CSPP1: variants seen among roughly 807,000 people sequenced by gnomAD.
The protein encoded by CSPP1 is centrosome and spindle pole-associated protein 1.
Under a neutral mutation model 164.4 loss-of-function variants are expected in CSPP1, and 126 were observed. The ratio of observed to expected loss-of-function variants is 0.77; its 90% confidence interval spans 0.66 to 0.89. The LOEUF (loss-of-function observed/expected upper bound fraction) is 0.89, where lower values mean the gene tolerates loss of function less well. Ranked by LOEUF, CSPP1 falls within the 40% of genes least tolerant of loss-of-function variation. CSPP1 has a pLI of 0.00. For missense variants in CSPP1, 1,395 were observed against 1,449.8 expected (o/e 0.96, Z 0.61); for synonymous variants, 472 against 476.7 (o/e 0.99, Z 0.13).
chr8:67,086,736 C>T (rs1810466200), intron 4 of CSPP1: 1 of 614,780 alleles, frequency 1.6e-6, no homozygotes, highest in Non-Finnish European at 2.7e-6. Context: ...TCCAAGTGTA[C>T]AAATGTCTCT....
Position 67,161,869 on chromosome 8 carries a change from T to G in CSPP1, c.2597T>G (p.Leu866Arg). Residue 866 changes from leucine (L) to arginine (R), a missense_variant, in exon 22 of 31, where the codon CTC (leucine) becomes CGC (arginine). Transcript: ENST00000678616. ...CTTCAGAACAAAATTGCAAGCAAAC[T>G]CCAAAGACCTCCTTCAGTTGACAGC... is the stretch of plus-strand genomic sequence containing the variant. ...PALQNKIASK[L>R]QRPPSVDSII... The G allele has an allele frequency of 1.2e-6, 2 of 1,613,572 alleles. No individual in the cohort carries two copies. Among genetic ancestry groups the G allele is most frequent in the Non-Finnish European group, 1.7e-6 (2 of 1,179,590 alleles).
chr8:67,148,315 AT>A (rs1825024933), intron 17 of CSPP1, among the ~76,000 whole-genome samples: 1 of 152,192 alleles, frequency 6.6e-6, no homozygotes, highest in Admixed American at 6.5e-5. Flanking sequence ...GTTTTAGGAT[AT>A]TGAAGAATAG....
chr8:67,098,749 T>G (rs1387688974), intron 7 of CSPP1, among the ~76,000 whole-genome samples: 1 of 152,060 alleles, frequency 6.6e-6, no homozygotes, highest in Non-Finnish European at 1.5e-5. Flanking sequence ...ACTGTAGAAG[T>G]TAATATTTTA....
chr8:67,092,140 A>G (rs536914240), intron 5 of CSPP1, among the ~76,000 whole-genome samples: 1 of 152,204 alleles, frequency 6.6e-6, no homozygotes, highest in African/African-American at 2.4e-5. Context: ...TACTTAACTG[A>G]ATATTCAGAA....
chr8:67,065,554 A>T (rs1347358288), intron 1 of CSPP1: 2 of 970,672 alleles, frequency 2.1e-6, no homozygotes, highest in Non-Finnish European at 2.4e-6. Context: ...TCTTTTCTCC[A>T]TATCATTCTT....
chr8:67,155,360 C>T (rs1226306334), intron 19 of CSPP1, among the ~76,000 whole-genome samples: 2 of 152,212 alleles, frequency 1.3e-5, no homozygotes, highest in African/African-American at 2.4e-5. Context: ...GAAATTATCT[C>T]AACTCTTGAA....
intron 1 of CSPP1, among the ~76,000 whole-genome samples, chr8:67,067,074 T>C (rs551619551): frequency 8.2e-4 from 125 of 152,274 alleles, no homozygotes; most frequent in Middle Eastern, 6.8e-3. Flanking sequence ...TATTTTTGAC[T>C]ACGCCAGCCT....
chr8:67,149,704 C>T (rs62513088), intron 17 of CSPP1, 79 bp from the exon 18 acceptor site: 4 of 1,022,310 alleles, frequency 3.9e-6, no homozygotes, highest in Non-Finnish European at 5.4e-6. Flanking sequence ...TTCTGACTTC[C>T]TATTTTAAGA....
intron 3 of CSPP1, among the ~76,000 whole-genome samples, chr8:67,078,966 C>T (rs996582294): frequency 2.6e-5 from 4 of 151,834 alleles, no homozygotes; most frequent in African/African-American, 9.7e-5. Flanking sequence ...AGAGAGACTC[C>T]ATCTCAATAA....
chr8:67,195,344 CTGTGTTACCTGAGCCACG>C lies in CSPP1; in HGVS notation c.3470-34_3470-17del. On this transcript the variant is annotated intron_variant, in intron 30 of 30. Transcript: ENST00000678616. Reference sequence around the variant, plus strand: ...TGCGCTTATGTCTCCTGCCTGCCACCTGTGTTACCTGAGCCACGTGTCCCTTGCCTCCTGTAGATGATG... The same window carrying C: ...TGCGCTTATGTCTCCTGCCTGCCACCTGTCCCTTGCCTCCTGTAGATGATG... 1 of 1,382,908 alleles carries C rather than the reference CTGTGTTACCTGAGCCACG, an allele frequency of 7.2e-7. No individual in the cohort carries two copies. The highest frequency in any genetic ancestry group is 1.0e-6 in the Non-Finnish European group (1 of 969,668). The allele number at this position is 1,382,908 out of a possible 1,614,324, so 85.7% of individuals were successfully genotyped here.
chr8:67,194,038 A>G (rs1297124420), intron 30 of CSPP1, among the ~76,000 whole-genome samples: 2 of 151,168 alleles, frequency 1.3e-5, no homozygotes, highest in Non-Finnish European at 2.9e-5. Flanking sequence ...CCATGGACAA[A>G]GTCTCAGAAG....
intron 28 of CSPP1, among the ~76,000 whole-genome samples, chr8:67,181,575 GC>G (rs1833051195): frequency 1.3e-5 from 2 of 152,216 alleles, no homozygotes; most frequent in African/African-American, 4.8e-5. Flanking sequence ...CACTGCAAAT[GC>G]TGCATAAGTA....
chr8:67,084,725 C>T (rs1458723706), intron 3 of CSPP1, among the ~76,000 whole-genome samples: 4 of 148,404 alleles, frequency 2.7e-5, no homozygotes, highest in African/African-American at 5.0e-5. Flanking sequence ...GGTAACAGAG[C>T]GAGACCCTGT....
intron 4 of CSPP1, among the ~76,000 whole-genome samples, chr8:67,087,362 C>T (rs2129543779): frequency 6.6e-6 from 1 of 152,290 alleles, no homozygotes; most frequent in South Asian, 2.1e-4. Flanking sequence ...ACAGATTCAC[C>T]ATTCAACTAA....
At position 67,111,995 on chromosome 8, in the gene CSPP1, C is replaced by A; in HGVS notation, c.1117C>A (p.Gln373Lys). The change falls in exon 10 of 31, where the codon CAG (glutamine) becomes AAG (lysine). Residue 373 changes from glutamine (Q) to lysine (K), a missense_variant. Transcript: ENST00000678616. ...AGGAGGTGAAGATCGAGAACTTATT[C>A]AGAGAAGGAAAGAGAAATACAGACT... Reference protein sequence around the residue: ...LFGGEDRELIQRRKEKYRLEL... With the variant: ...LFGGEDRELIKRRKEKYRLEL... 6.2e-7 allele frequency: 1 copy of A among 1,609,800 alleles called. No individual in the cohort carries two copies. The highest frequency in any genetic ancestry group is 1.1e-5 in the South Asian group (1 of 90,628).
At chr8:67,140,195 T>A (rs933365700) in intron 17 of CSPP1, among the ~76,000 whole-genome samples, 1 of 152,164 alleles carries the variant, frequency 6.6e-6, no homozygotes, top group Non-Finnish European at 1.5e-5. Context: ...GCAATTCTCC[T>A]GCCTCAGCCT....
chr8:67,109,813 A>G (rs1586173522), intron 9 of CSPP1, among the ~76,000 whole-genome samples: 2 of 152,266 alleles, frequency 1.3e-5, no homozygotes, highest in East Asian at 3.9e-4. Context: ...TGCAGGAAAG[A>G]GGGGAGTCCA....
intron 1 of CSPP1, among the ~76,000 whole-genome samples, chr8:67,073,203 A>G (rs1807198590): frequency 6.6e-6 from 1 of 152,224 alleles, no homozygotes; most frequent in African/African-American, 2.4e-5. Flanking sequence ...TTAGCAGTTC[A>G]GGAATTAGAC....
chr8:67,110,913 G>C (rs1816723977), intron 9 of CSPP1, among the ~76,000 whole-genome samples: 1 of 152,042 alleles, frequency 6.6e-6, no homozygotes, highest in Non-Finnish European at 1.5e-5. Context: ...TAAGTCTTGT[G>C]CTTGGTTATT....
Sources: allele counts gnomAD v4.1 joint callset (sites outside exome capture counted in the v4.1 genomes callset), GRCh38; gene constraint gnomAD v4.1.1; transcripts MANE v1.5; gene names NCBI Gene and HGNC (gene_info 2026-07-23, HGNC 2026-07-21).